WWP2: variants seen among roughly 807,000 people sequenced by gnomAD.
The protein encoded by WWP2 is NEDD4-like E3 ubiquitin-protein ligase WWP2.
A neutral mutation model predicts 121.0 loss-of-function variants in WWP2; 57 were observed. The observed-to-expected ratio is 0.47, with a 90% confidence interval of 0.38 to 0.59. WWP2 has a LOEUF of 0.59. Ranked by LOEUF, WWP2 falls within the 20% of genes least tolerant of loss-of-function variation. WWP2 has a pLI of 0.00. For synonymous variants in WWP2, 449 were observed against 441.3 expected, an observed-to-expected ratio of 1.02 and a Z score of -0.22; for missense variants, 962 against 1,158.9, an observed-to-expected ratio of 0.83 and a Z score of 2.47.
chr16:69,798,794 G>C lies in WWP2; in HGVS notation c.183G>C (p.Gly61=), dbSNP rs957714225. ...SETKKTGKRI[G]SSELLWNEII... is the part of the protein sequence containing the mutation. ...CCAAGAAGACTGGGAAGCGCATTGGGAGCTCTGAGCTTCTCTGGAATGAGA... is the reference window on the plus strand; with the variant it reads ...CCAAGAAGACTGGGAAGCGCATTGGCAGCTCTGAGCTTCTCTGGAATGAGA... Residue 61 remains glycine (G), a synonymous_variant, in exon 3 of 24, where the codon GGG becomes GGC. Coordinates refer to ENST00000359154, the MANE Select transcript of WWP2 (RefSeq NM_001270454.2). 3 of 1,614,088 alleles carry C rather than the reference G, an allele frequency of 1.9e-6. No homozygotes were observed. Among genetic ancestry groups the C allele is most frequent in the Non-Finnish European group, 2.5e-6 (3 of 1,180,004 alleles).
intron 21 of WWP2, 73 bp from the exon 22 acceptor site, chr16:69,938,954 G>A: frequency 1.4e-6 from 2 of 1,425,180 alleles, no homozygotes; most frequent in South Asian, 2.5e-5. Context: ...CGCTGAGCTA[G>A]AGAGCTCCAC....
chr16:69,788,053 C>G (rs1447128492), intron 2 of WWP2: 1 of 152,334 alleles, frequency 6.6e-6, no homozygotes, highest in African/African-American at 2.4e-5. Flanking sequence ...CACACAGCAG[C>G]CAGTGATCTT....
At chr16:69,869,396 T>C (rs545584822) in intron 6 of WWP2, among the ~76,000 whole-genome samples, 2 of 150,316 alleles carry the variant, frequency 1.3e-5, no homozygotes, top group Non-Finnish European at 3.0e-5. Flanking sequence ...CTTAATTTTT[T>C]TTTTTTGTTA....
Position 69,871,815 on chromosome 16 carries a change from A to C in WWP2, c.587A>C (p.His196Pro). ...CTTTGAACCCCCAGGACGCACAGAC[A>C]TTCGGGTGCTTCAGCCAGAACAACC... ...CFGGRSRTHR[H>P]SGASARTTPA... The change falls in exon 7 of 24, where the codon CAT (histidine) becomes CCT (proline). Residue 196 changes from histidine (H) to proline (P), a missense_variant. His to Pro is a moderately conservative substitution (Grantham distance 77, BLOSUM62 -2). This residue lies in a region of WWP2 where 211 missense variants were observed against 196.5 expected (regional missense o/e 1.07). Transcript: ENST00000359154. 6.2e-7 allele frequency: 1 copy of C among 1,614,124 alleles called. No homozygotes were observed.
chr16:69,871,814 C>T lies in WWP2; in HGVS notation c.586C>T (p.His196Tyr), dbSNP rs1457168029. The T allele has an allele frequency of 6.2e-7, 1 of 1,614,126 alleles. No homozygotes were observed. Among genetic ancestry groups the T allele is most frequent in the South Asian group, 1.1e-5 (1 of 91,084 alleles). ...CFGGRSRTHR[H>Y]SGASARTTPA... ...ACTTTGAACCCCCAGGACGCACAGA[C>T]ATTCGGGTGCTTCAGCCAGAACAAC... is the stretch of plus-strand genomic sequence containing the variant. Residue 196 changes from histidine to tyrosine, a missense_variant, in exon 7 of 24, where the codon CAT becomes TAT. By Grantham distance (83) the His-to-Tyr change is moderately conservative. This residue lies in a region of WWP2 where 211 missense variants were observed against 196.5 expected (regional missense o/e 1.07). Coordinates refer to ENST00000359154, the MANE Select transcript of WWP2 (RefSeq NM_001270454.2).
intron 6 of WWP2, among the ~76,000 whole-genome samples, chr16:69,852,978 T>C (rs935902675): frequency 6.6e-6 from 1 of 152,176 alleles, no homozygotes; most frequent in Non-Finnish European, 1.5e-5. Flanking sequence ...TCCCTGGCTG[T>C]AGGAGATGGT....
chr16:69,828,040 A>T (rs2050697781), intron 4 of WWP2: 1 of 396,568 alleles, frequency 2.5e-6, no homozygotes, highest in African/African-American at 2.1e-5. Context: ...GTAATGGGTA[A>T]CTGGTGCTGA....
intron 1 of WWP2, chr16:69,776,112 T>C (rs750623601): frequency 1.3e-5 from 2 of 152,244 alleles, no homozygotes; most frequent in African/African-American, 2.4e-5. Context: ...AGCCTCATGG[T>C]CAAATCCTAG....
intron 6 of WWP2, among the ~76,000 whole-genome samples, chr16:69,862,683 C>T (rs1283466185): frequency 6.6e-6 from 1 of 150,810 alleles, no homozygotes; most frequent in Non-Finnish European, 1.5e-5. Flanking sequence ...ATGCTTGGAA[C>T]CTGGTATCCA....
At chr16:69,777,030 A>G (rs8057106) in intron 1 of WWP2, among the ~76,000 whole-genome samples, 6,767 of 151,688 alleles carry the variant, frequency 0.045, 529 homozygotes, top group African/African-American at 0.16. Context: ...ATATCTTAAA[A>G]CAGTATATGT....
At position 69,842,005 on chromosome 16, in the gene WWP2, GTGAT is replaced by G. The variant is rs757492444; in HGVS notation, c.479-13_479-10del. On this transcript the variant is annotated splice_polypyrimidine_tract_variant and intron_variant, in intron 5 of 23. Coordinates refer to ENST00000359154, the MANE Select transcript of WWP2 (RefSeq NM_001270454.2). ...CTCCTCAATGCTTCTGTCTTTTCTT[GTGAT>G]TGATTCCTTTCTAGGATCACAGCTG... The G allele has an allele frequency of 1.4e-5, 23 of 1,607,228 alleles. No homozygotes were observed. In the African/African-American group the frequency reaches 2.8e-4, roughly 20 times the overall value.
At chr16:69,872,604 G>A (rs1446137289) in intron 7 of WWP2, among the ~76,000 whole-genome samples, 1 of 152,194 alleles carries the variant, frequency 6.6e-6, no homozygotes, top group Non-Finnish European at 1.5e-5. Flanking sequence ...TTCACGTAAG[G>A]GAATTATCAG....
chr16:69,908,964 C>A, intron 9 of WWP2, 114 bp downstream of exon 9: 1 of 1,529,684 alleles, frequency 6.5e-7, no homozygotes, highest in South Asian at 1.3e-5. Flanking sequence ...GACGTTTATT[C>A]CGGGTCACTT....
intron 1 of WWP2, among the ~76,000 whole-genome samples, chr16:69,780,147 G>A (rs539408678): frequency 3.3e-5 from 5 of 151,834 alleles, no homozygotes; most frequent in African/African-American, 9.7e-5. Flanking sequence ...CCTTCCCGTC[G>A]TACTTTTATA....
intron 8 of WWP2, among the ~76,000 whole-genome samples, chr16:69,900,805 T>G (rs1369095817): frequency 2.6e-5 from 4 of 152,162 alleles, no homozygotes; most frequent in African/African-American, 9.7e-5. Context: ...ATTACAGGCG[T>G]GAGTCACCGT....
intron 6 of WWP2, among the ~76,000 whole-genome samples, chr16:69,864,266 G>A (rs889456659): frequency 3.9e-5 from 6 of 152,194 alleles, no homozygotes; most frequent in Middle Eastern, 3.4e-3. Flanking sequence ...TACTTGGGAG[G>A]TTGGGGTGGG....
At chr16:69,848,597 C>A (rs1347988208) in intron 6 of WWP2, among the ~76,000 whole-genome samples, 1 of 146,772 alleles carries the variant, frequency 6.8e-6, no homozygotes, top group Non-Finnish European at 1.5e-5. Flanking sequence ...AGATGGAGAC[C>A]CTGCAATCCA....
rs2058623643 is a variant in WWP2 at position 69,925,280 on chromosome 16, G to A, written c.1180-150G>A. 2 of 1,472,480 alleles carry A rather than the reference G, an allele frequency of 1.4e-6. No individual in the cohort carries two copies. The highest frequency in any genetic ancestry group is 1.8e-4 in the Middle Eastern group (1 of 5,460). 91.2% of individuals were successfully genotyped at this position (1,472,480 alleles called of 1,614,324 possible). A position where few individuals can be genotyped will look rare whatever the true frequency, so the allele number is the denominator to read the frequency against. ...CAAAAAACAGAGACTTTTGAGAGGAGCAGATGCCACCTAAAGTCCCACTGC... is the reference window on the plus strand; with the variant it reads ...CAAAAAACAGAGACTTTTGAGAGGAACAGATGCCACCTAAAGTCCCACTGC... On this transcript the variant is annotated intron_variant, in intron 10 of 23. Coordinates refer to ENST00000359154, the MANE Select transcript of WWP2 (RefSeq NM_001270454.2). This position sits in a 1 kb window ranked among gnomAD's most constrained non-coding sequence, Gnocchi z 4.0.
chr16:69,859,657 G>A (rs905455895), intron 6 of WWP2, among the ~76,000 whole-genome samples: 3 of 152,096 alleles, frequency 2.0e-5, no homozygotes, highest in East Asian at 1.9e-4. Context: ...GACCATCAGC[G>A]GGGGTCCCTC....
Sources: gnomAD v4.1 joint callset for allele counts (sites outside exome capture counted in the v4.1 genomes callset) on GRCh38, gnomAD v4.1.1 for gene constraint, gnomAD v4.1.1 regional missense constraint, Gnocchi (gnomAD v3.1) non-coding constraint, MANE v1.5 for transcripts, NCBI Gene and HGNC (gene_info 2026-07-23, HGNC 2026-07-21) for gene names.